NUBPL: variants seen among roughly 807,000 people sequenced by gnomAD.
The protein encoded by NUBPL is NUBP iron-sulfur cluster assembly factor, mitochondrial.
A neutral mutation model predicts 45.7 loss-of-function variants in NUBPL; 31 were observed. The observed-to-expected ratio is 0.68, with a 90% CI of 0.51 to 0.92. The LOEUF (loss-of-function observed/expected upper bound fraction) is 0.92, where lower values mean the gene tolerates loss of function less well. NUBPL is among the 40% of genes least tolerant of loss of function. The pLI, the probability that NUBPL is intolerant of heterozygous loss-of-function variation, is 0.00. For missense variants in NUBPL, 401 were observed against 398.7 expected, an observed-to-expected ratio of 1.01 and a Z score of -0.05; for synonymous variants, 144 against 140.9, an observed-to-expected ratio of 1.02 and a Z score of -0.15.
intron 9 of NUBPL, among the ~76,000 whole-genome samples, chr14:31,848,535 G>T (rs1304211964): frequency 6.6e-6 from 1 of 152,122 alleles, no homozygotes; most frequent in Non-Finnish European, 1.5e-5. Context: ...AGTAGTTAAG[G>T]TCTCAGACCA....
At chr14:31,561,958 T>C in intron 1 of NUBPL, 110 bp from the exon 2 acceptor site, 1 of 1,041,850 alleles carries the variant, frequency 9.6e-7, no homozygotes, top group Non-Finnish European at 1.4e-6. Flanking sequence ...TGAGCAGAAT[T>C]AGAAAAGAAA....
chr14:31,760,728 G>A (rs1456807825), intron 6 of NUBPL, among the ~76,000 whole-genome samples: 1 of 150,534 alleles, frequency 6.6e-6, no homozygotes, highest in African/African-American at 2.5e-5. Context: ...ACACACTTAG[G>A]CTGATTCTAT....
At chr14:31,594,768 G>A (rs985386910) in intron 3 of NUBPL, among the ~76,000 whole-genome samples, 10 of 152,100 alleles carry the variant, frequency 6.6e-5, no homozygotes, top group Admixed American at 1.3e-4. Context: ...CTTATGATTG[G>A]CAGCTTGACA....
At chr14:31,799,084 G>A (rs1352955245) in intron 7 of NUBPL, among the ~76,000 whole-genome samples, 2 of 152,076 alleles carry the variant, frequency 1.3e-5, no homozygotes, top group Non-Finnish European at 2.9e-5. Context: ...ATTTCTATAA[G>A]CTATGTTGAG....
intron 6 of NUBPL, among the ~76,000 whole-genome samples, chr14:31,720,532 A>G (rs570651944): frequency 6.6e-6 from 1 of 152,262 alleles, no homozygotes; most frequent in Non-Finnish European, 1.5e-5. Flanking sequence ...CCCTGAAAAC[A>G]CTGAGGTGTT....
chr14:31,577,522 C>T (rs1259730561), intron 3 of NUBPL, among the ~76,000 whole-genome samples: 1 of 152,106 alleles, frequency 6.6e-6, no homozygotes, highest in Admixed American at 6.6e-5. Context: ...CAAGCGATTC[C>T]CCTGCCTCAG....
At chr14:31,632,462 C>T (rs921669861) in intron 4 of NUBPL, among the ~76,000 whole-genome samples, 2 of 152,114 alleles carry the variant, frequency 1.3e-5, no homozygotes, top group African/African-American at 4.8e-5. Context: ...GGGGCGGCAG[C>T]GGGCAGAGTG....
chr14:31,664,339 T>C (rs1453349069), intron 4 of NUBPL, among the ~76,000 whole-genome samples: 1 of 152,208 alleles, frequency 6.6e-6, no homozygotes, highest in African/African-American at 2.4e-5. Flanking sequence ...GCTTCCAGCT[T>C]TTGCCCATTC....
At chr14:31,643,291 T>C (rs540981177) in intron 4 of NUBPL, among the ~76,000 whole-genome samples, 4 of 152,134 alleles carry the variant, frequency 2.6e-5, no homozygotes, top group East Asian at 1.9e-4. Flanking sequence ...TAGCTGTGGG[T>C]TATACGGCCT....
At chr14:31,828,783 G>A (rs1004572723) in intron 8 of NUBPL, among the ~76,000 whole-genome samples, 6 of 152,096 alleles carry the variant, frequency 3.9e-5, no homozygotes, top group Admixed American at 1.3e-4. Context: ...ACCTGTGAAC[G>A]TGGATACTTA....
chr14:31,666,976 C>A (rs575249302), intron 4 of NUBPL, among the ~76,000 whole-genome samples: 2 of 152,188 alleles, frequency 1.3e-5, no homozygotes, highest in East Asian at 3.9e-4. Context: ...TCTCTGGCTG[C>A]CCTTAATATT....
chr14:31,825,694 TTC>T lies in NUBPL; in HGVS notation c.608-933_608-932del, dbSNP rs2040088608. On this transcript the variant is annotated intron_variant, in intron 7 of 10. Transcript: ENST00000281081. ...TCTTTTTTTCTCTTTCTTTTGTTCT[TTC>T]TTCTTCATCTTCCTCTTTTTCCTCT... Among the ~76,000 whole-genome samples, 4 of 129,810 alleles carry T rather than the reference TTC, an allele frequency of 3.1e-5. No individual in the cohort carries two copies. The South Asian group carries it at 9.6e-4, about 31-fold the overall frequency. 85.2% of individuals were successfully genotyped at this position (129,810 alleles called of 152,430 possible).
chr14:31,599,826 A>G (rs761629540), intron 4 of NUBPL, among the ~76,000 whole-genome samples: 7 of 152,140 alleles, frequency 4.6e-5, no homozygotes, highest in Admixed American at 1.3e-4. Context: ...CCATCATGCA[A>G]TTCAAGAGTA....
At chr14:31,769,156 C>T (rs545705018) in intron 6 of NUBPL, among the ~76,000 whole-genome samples, 19 of 152,174 alleles carry the variant, frequency 1.2e-4, no homozygotes, top group African/African-American at 3.9e-4. Context: ...CTACAGTGTC[C>T]GGCGCAACAT....
At chr14:31,599,130 T>C in intron 3 of NUBPL, 159 bp from the exon 4 acceptor site, 1 of 670,274 alleles carries the variant, frequency 1.5e-6, no homozygotes, top group Non-Finnish European at 2.6e-6. Context: ...TACTTAACTG[T>C]TGCTTTGGAA....
intron 4 of NUBPL, among the ~76,000 whole-genome samples, chr14:31,614,798 A>AT (rs2034852899): frequency 6.6e-6 from 1 of 152,252 alleles, no homozygotes; most frequent in African/African-American, 2.4e-5. Context: ...TACAGTAGAC[A>AT]TACTAGCCAT....
chr14:31,635,298 T>G (rs1809882536), intron 4 of NUBPL, among the ~76,000 whole-genome samples: 1 of 152,208 alleles, frequency 6.6e-6, no homozygotes, highest in South Asian at 2.1e-4. Flanking sequence ...AGTTTCAGCT[T>G]TGTACATATG....
chr14:31,572,068 G>T (rs564809479), intron 3 of NUBPL, among the ~76,000 whole-genome samples: 2 of 57,086 alleles, frequency 3.5e-5, no homozygotes, highest in African/African-American at 7.1e-5. Flanking sequence ...CAGAGCTAAG[G>T]TTCGAATGCC....
At chr14:31,704,052 C>G (rs989800083) in intron 6 of NUBPL, among the ~76,000 whole-genome samples, 2 of 152,196 alleles carry the variant, frequency 1.3e-5, no homozygotes, top group African/African-American at 4.8e-5. Context: ...TCCTCAAGAG[C>G]CCAAGACCAC....
Sources: gnomAD v4.1 joint callset for allele counts (sites outside exome capture counted in the v4.1 genomes callset) on GRCh38, gnomAD v4.1.1 for gene constraint, MANE v1.5 for transcripts, NCBI Gene and HGNC (gene_info 2026-07-23, HGNC 2026-07-21) for gene names.